The following TTC28 variants were observed in gnomAD, a reference collection of about 807,000 sequenced individuals.
TTC28 encodes the protein tetratricopeptide repeat domain 28, also known as tetratricopeptide repeat protein 28.
A neutral mutation model predicts 198.0 loss-of-function variants in TTC28; 61 were observed. The ratio of observed to expected loss-of-function variants is 0.31; its 90% CI spans 0.25 to 0.38. TTC28 has a LOEUF of 0.38. TTC28 is among the 10% of genes least tolerant of loss of function. The probability of loss-of-function intolerance (pLI) is 1.00; values close to 1 mark genes in which losing one functional copy is unlikely to be tolerated. For missense variants in TTC28, 2,678 were observed against 3,164.0 expected (o/e 0.85, Z 3.69); for synonymous variants, 1,171 against 1,297.8 (o/e 0.90, Z 2.10).
At chr22:28,676,972 T>A (rs1744846411) in intron 1 of TTC28, among the ~76,000 whole-genome samples, 1 of 151,506 alleles carries the variant, frequency 6.6e-6, no homozygotes, top group African/African-American at 2.4e-5. Flanking sequence ...CTGGACAACA[T>A]GGTGAAACCC....
Position 28,107,859 on chromosome 22 carries a change from T to A in TTC28, c.1986A>T (p.Ala662=). Residue 662 remains alanine, a synonymous_variant, in exon 7 of 23, where the codon GCA becomes GCT. Coordinates refer to ENST00000397906, the MANE Select transcript of TTC28 (RefSeq NM_001145418.2). ...ACTTGTCGTGAAGGTCTTTAGCCAG[T>A]GCCAGATCCTGTTCGTAGTACTTCA... The part of the protein sequence containing the change: ...EAVKYYEQDL[A]LAKDLHDKLS... The A allele has an allele frequency of 6.4e-7, 1 of 1,551,826 alleles. No homozygotes were observed. The highest frequency in any genetic ancestry group is 8.7e-7 in the Non-Finnish European group (1 of 1,147,024).
In TTC28 at chr22:28,407,426, A is replaced by T. The variant is rs146128622; in HGVS notation, c.382-100783T>A. Reference sequence around the variant, plus strand: ...TATGCCCAGGTTCCCAGGTTCGGGAATATGGAAGAATTGTTACACATACAC... The same window carrying T: ...TATGCCCAGGTTCCCAGGTTCGGGATTATGGAAGAATTGTTACACATACAC... On this transcript the variant is annotated intron_variant, in intron 2 of 22. Coordinates refer to ENST00000397906, the MANE Select transcript of TTC28 (RefSeq NM_001145418.2). Among the ~76,000 whole-genome samples the T allele has an allele frequency of 6.6e-5, 10 of 152,212 alleles. No homozygotes were observed. In the East Asian group the frequency reaches 1.9e-3, roughly 29 times the overall value.
intron 5 of TTC28, among the ~76,000 whole-genome samples, chr22:28,169,229 T>C (rs1922378892): frequency 6.6e-6 from 1 of 152,216 alleles, no homozygotes; most frequent in South Asian, 2.1e-4. Flanking sequence ...TTGGTGGGAC[T>C]GTAAACTAGT....
At chr22:28,334,348 A>G (rs567167063) in intron 2 of TTC28, among the ~76,000 whole-genome samples, 183 of 152,090 alleles carry the variant, frequency 1.2e-3, no homozygotes, top group African/African-American at 4.4e-3. Flanking sequence ...ATGTTTTATA[A>G]TCCTTTGGGT....
chr22:28,586,916 T>A (rs2050328951), intron 2 of TTC28, among the ~76,000 whole-genome samples: 1 of 152,176 alleles, frequency 6.6e-6, no homozygotes, highest in African/African-American at 2.4e-5. Flanking sequence ...CAGAGAAAAC[T>A]AAATGTGATT....
At chr22:28,600,818 G>A (rs1356719491) in intron 2 of TTC28, among the ~76,000 whole-genome samples, 4 of 152,266 alleles carry the variant, frequency 2.6e-5, no homozygotes, top group Middle Eastern at 3.4e-3. Context: ...CTTAAAGCAT[G>A]GTCACAAGGA....
intron 2 of TTC28, among the ~76,000 whole-genome samples, chr22:28,372,862 A>T (rs1222169129): frequency 6.6e-6 from 1 of 152,212 alleles, no homozygotes; most frequent in Non-Finnish European, 1.5e-5. Flanking sequence ...ACCTTGGACA[A>T]ATCATTTCCA....
At chr22:28,535,561 G>A (rs934858111) in intron 2 of TTC28, among the ~76,000 whole-genome samples, 14 of 152,134 alleles carry the variant, frequency 9.2e-5, no homozygotes, top group Non-Finnish European at 1.5e-4. Context: ...ATACCACAAT[G>A]TATCTATTCT....
chr22:28,161,243 A>G (rs555161008), intron 6 of TTC28, among the ~76,000 whole-genome samples: 1 of 152,350 alleles, frequency 6.6e-6, no homozygotes, highest in Admixed American at 6.5e-5. Flanking sequence ...TATAAAAAAC[A>G]AAGAATCACC....
At chr22:28,407,453 T>A (rs1309961579) in intron 2 of TTC28, among the ~76,000 whole-genome samples, 2 of 148,956 alleles carry the variant, frequency 1.3e-5, no homozygotes, top group Non-Finnish European at 3.0e-5. Flanking sequence ...CACATACACA[T>A]ATACACACAC....
intron 2 of TTC28, among the ~76,000 whole-genome samples, chr22:28,402,825 C>T (rs1434609048): frequency 2.0e-5 from 3 of 152,238 alleles, no homozygotes; most frequent in African/African-American, 4.8e-5. Flanking sequence ...CTATCATTAG[C>T]GTTGACAACT....
intron 2 of TTC28, among the ~76,000 whole-genome samples, chr22:28,370,690 A>G (rs1426012304): frequency 6.6e-6 from 1 of 152,216 alleles, no homozygotes; most frequent in Non-Finnish European, 1.5e-5. Flanking sequence ...AAGTAAAGAC[A>G]GAAATAGTGA....
intron 5 of TTC28, among the ~76,000 whole-genome samples, chr22:28,257,810 A>G (rs1014066543): frequency 1.4e-5 from 2 of 146,232 alleles, no homozygotes; most frequent in African/African-American, 5.1e-5. Flanking sequence ...ATAAAAAAAG[A>G]AAAAACAGCT....
At chr22:28,347,045 T>C (rs1307364560) in intron 2 of TTC28, among the ~76,000 whole-genome samples, 1 of 152,002 alleles carries the variant, frequency 6.6e-6, no homozygotes, top group Admixed American at 6.5e-5. Flanking sequence ...GGCAGATCAC[T>C]TGAGGTCAGG....
intron 2 of TTC28, among the ~76,000 whole-genome samples, chr22:28,413,397 G>A (rs975085091): frequency 6.6e-6 from 1 of 152,020 alleles, no homozygotes; most frequent in Non-Finnish European, 1.5e-5. Context: ...TAGATTGCGC[G>A]ACTGAGCGAG....
intron 2 of TTC28, among the ~76,000 whole-genome samples, chr22:28,571,963 A>AAAC (rs2050068159): frequency 6.8e-6 from 1 of 148,140 alleles, no homozygotes. Context: ...AAAAAAAAAA[A>AAAC]AAAAACAAAC....
At chr22:28,597,703 C>A (rs1406801389) in intron 2 of TTC28, among the ~76,000 whole-genome samples, 1 of 152,056 alleles carries the variant, frequency 6.6e-6, no homozygotes, top group Non-Finnish European at 1.5e-5. Context: ...TCTATTTATA[C>A]GGAAAAAGTA....
At chr22:28,033,033 A>T (rs954511112) in intron 12 of TTC28, among the ~76,000 whole-genome samples, 4 of 152,146 alleles carry the variant, frequency 2.6e-5, no homozygotes, top group African/African-American at 9.7e-5. Flanking sequence ...CCAGGGACAC[A>T]TTTATCATCT....
chr22:28,432,306 T>TAAAATA (rs949653602), intron 2 of TTC28, among the ~76,000 whole-genome samples: 1 of 150,792 alleles, frequency 6.6e-6, no homozygotes, highest in Non-Finnish European at 1.5e-5. Flanking sequence ...AATAAATAAA[T>TAAAATA]AAAATAAAAA....
Sources: gnomAD v4.1 joint callset for allele counts (sites outside exome capture counted in the v4.1 genomes callset) on GRCh38, gnomAD v4.1.1 for gene constraint, MANE v1.5 for transcripts, NCBI Gene and HGNC (gene_info 2026-07-23, HGNC 2026-07-21) for gene names.